Variants in NTRK2 observed in about 807,000 individuals in gnomAD.
NTRK2 encodes neurotrophic receptor tyrosine kinase 2.
In NTRK2, 13 loss-of-function variants were observed where a neutral mutation model predicts 94.5. The observed-to-expected ratio is 0.14, with a 90% confidence interval of 0.09 to 0.22. NTRK2 has a LOEUF of 0.22. NTRK2 is among the 10% of genes least tolerant of loss of function. The pLI, the probability that NTRK2 is intolerant of heterozygous loss-of-function variation, is 1.00. For synonymous variants in NTRK2, 372 were observed against 407.4 expected, an observed-to-expected ratio of 0.91 and a Z score of 1.05; for missense variants, 639 against 1,071.2, an observed-to-expected ratio of 0.60 and a Z score of 5.63.
Position 84,982,722 on chromosome 9 carries a change from C to G in NTRK2, c.2172+27205C>G, listed in dbSNP as rs182070763. Among the ~76,000 whole-genome samples the G allele has an allele frequency of 1.9e-3, 292 of 152,294 alleles. 1 individual carries two copies. Among genetic ancestry groups the G allele is most frequent in the Non-Finnish European group, 3.5e-3 (237 of 68,026 alleles). ...AAAATGTAGGGGAACTAACACTTAT[C>G]CAGTATGTGGGATGACAACTGTTTG... On this transcript the variant is annotated intron_variant, in intron 17 of 18. Transcript: ENST00000277120.
intron 12 of NTRK2, among the ~76,000 whole-genome samples, chr9:84,755,525 CTTTTTTTTTTTT>C (rs745611460): frequency 3.0e-4 from 18 of 60,644 alleles, no homozygotes; most frequent in African/African-American, 9.1e-4. Flanking sequence ...AGTCCCACCT[CTTTTTTTTTTTT>C]TTTTTTTTTT....
chr9:84,909,816 A>G (rs1050542670), intron 14 of NTRK2, among the ~76,000 whole-genome samples: 3 of 151,970 alleles, frequency 2.0e-5, no homozygotes, highest in African/African-American at 7.3e-5. Context: ...TTCTTTATGT[A>G]TTCTAGATAG....
chr9:84,984,181 C>G (rs1828004230), intron 17 of NTRK2, among the ~76,000 whole-genome samples: 2 of 152,022 alleles, frequency 1.3e-5, no homozygotes, highest in African/African-American at 4.8e-5. Flanking sequence ...CCCCTTAAAA[C>G]AGATTTCAGG....
chr9:84,813,542 G>C, intron 12 of NTRK2: 4 of 1,065,334 alleles, frequency 3.8e-6, no homozygotes, highest in Non-Finnish European at 4.5e-6. Flanking sequence ...GTTACCACAA[G>C]CTAAGAAACT....
chr9:84,869,668 T>C (rs1280415505), intron 14 of NTRK2, among the ~76,000 whole-genome samples: 1 of 152,164 alleles, frequency 6.6e-6, no homozygotes, highest in Admixed American at 6.6e-5. Context: ...CTGTAAGCTC[T>C]TGGAGAGCAG....
chr9:84,980,654 A>G (rs1194139593), intron 17 of NTRK2, among the ~76,000 whole-genome samples: 2 of 152,164 alleles, frequency 1.3e-5, no homozygotes, highest in East Asian at 1.9e-4. Flanking sequence ...CTGACTTTCT[A>G]TTAGTTCCTC....
intron 12 of NTRK2, among the ~76,000 whole-genome samples, chr9:84,797,748 A>G (rs2069688576): frequency 4.2e-5 from 1 of 23,940 alleles, no homozygotes; most frequent in South Asian, 9.5e-4. Context: ...ACTATAATAT[A>G]TATTATATAT....
At chr9:84,709,194 T>C (rs2061284688) in intron 5 of NTRK2, among the ~76,000 whole-genome samples, 1 of 152,232 alleles carries the variant, frequency 6.6e-6, no homozygotes, top group South Asian at 2.1e-4. Context: ...AAAAGTGTAA[T>C]GTGCTGTCAT....
chr9:84,982,170 G>C (rs547514868), intron 17 of NTRK2, among the ~76,000 whole-genome samples: 1 of 152,294 alleles, frequency 6.6e-6, no homozygotes, highest in East Asian at 1.9e-4. Flanking sequence ...TAGAGATTTA[G>C]GAAGAGGAAC....
chr9:84,864,660 A>G (rs1350993073), intron 13 of NTRK2, among the ~76,000 whole-genome samples: 4 of 151,980 alleles, frequency 2.6e-5, no homozygotes, highest in African/African-American at 9.7e-5. Flanking sequence ...CATGCCGGGA[A>G]CCAAGGAAGG....
intron 12 of NTRK2, among the ~76,000 whole-genome samples, chr9:84,824,618 C>T (rs919498788): frequency 6.6e-5 from 10 of 152,326 alleles, no homozygotes; most frequent in African/African-American, 2.4e-4. Context: ...GCTGAGGCAG[C>T]TCTCAGTTCT....
At chr9:84,813,561 C>T in intron 12 of NTRK2, 1 of 1,065,440 alleles carries the variant, frequency 9.4e-7, no homozygotes, top group East Asian at 5.0e-5. Flanking sequence ...CTGAGTTTAA[C>T]AGCCCAGTTA....
rs543103357 is a variant in NTRK2, at chr9:84,842,950, C to T, written c.1397-18090C>T. Among the ~76,000 whole-genome samples the T allele has an allele frequency of 4.9e-4, 74 of 152,148 alleles. 2 individuals carry two copies. Among genetic ancestry groups the T allele is most frequent in the Non-Finnish European group, 2.6e-4 (18 of 68,024 alleles). The stretch of plus-strand genomic sequence containing the variant: ...CCTAGAGGACCTCATAATCTATTCC[C>T]ATGATCCAGTCTTTTTGAATAATTC... On this transcript the variant is annotated intron_variant, in intron 12 of 18. Coordinates refer to ENST00000277120, the MANE Select transcript of NTRK2 (RefSeq NM_006180.6).
rs148889261 is a variant in NTRK2, at chr9:84,786,675, G to GA, written c.1396+34596dup. Among the ~76,000 whole-genome samples the GA allele has an allele frequency of 9.0e-3, 1,365 of 152,214 alleles. 22 individuals are homozygous for GA. Among genetic ancestry groups the GA allele is most frequent in the African/African-American group, 0.031 (1,273 of 41,526 alleles). The stretch of plus-strand genomic sequence containing the variant: ...CTTAAAACTTAAATAGGTTCAGTGG[G>GA]AAAAAATCTTGGTTCAGAGGAAGGC... On this transcript the variant is annotated intron_variant, in intron 12 of 18. Transcript: ENST00000277120.
chr9:84,932,062 C>G (rs540895986), intron 14 of NTRK2, among the ~76,000 whole-genome samples: 12 of 152,276 alleles, frequency 7.9e-5, no homozygotes, highest in African/African-American at 2.6e-4. Context: ...ATTCATAGCT[C>G]TGAACCACAT....
chr9:84,991,122 A>G (rs1174164209), intron 17 of NTRK2, among the ~76,000 whole-genome samples: 2 of 152,154 alleles, frequency 1.3e-5, no homozygotes, highest in Admixed American at 1.3e-4. Flanking sequence ...CACACCTTAT[A>G]TTGACACATT....
At chr9:84,875,050 C>T in intron 14 of NTRK2, 1 of 1,059,934 alleles carries the variant, frequency 9.4e-7, no homozygotes, top group Non-Finnish European at 1.1e-6. Flanking sequence ...AACGAAAAGT[C>T]CCATGTAATT....
At chr9:84,904,295 A>G (rs1046413936) in intron 14 of NTRK2, among the ~76,000 whole-genome samples, 3 of 152,184 alleles carry the variant, frequency 2.0e-5, no homozygotes, top group Admixed American at 6.5e-5. Context: ...CTTAATTTTT[A>G]ATCTTTATAA....
At chr9:84,868,983 A>G (rs1349774860) in intron 14 of NTRK2, among the ~76,000 whole-genome samples, 1 of 152,196 alleles carries the variant, frequency 6.6e-6, no homozygotes, top group Non-Finnish European at 1.5e-5. Context: ...GGAGGGAGGA[A>G]AGATAAAGCT....
Sources: gnomAD v4.1 joint callset for allele counts (sites outside exome capture counted in the v4.1 genomes callset) on GRCh38, gnomAD v4.1.1 for gene constraint, MANE v1.5 for transcripts, NCBI Gene and HGNC (gene_info 2026-07-23, HGNC 2026-07-21) for gene names.